SLC25A26: variants seen among roughly 807,000 people sequenced by gnomAD.
SLC25A26 encodes mitochondrial S-adenosylmethionine carrier protein.
In SLC25A26, 36 loss-of-function variants were observed where a neutral mutation model predicts 37.8. The observed-to-expected ratio is 0.95, with a 90% CI of 0.73 to 1.26. The LOEUF is 1.26. Ranked by LOEUF, SLC25A26 falls within the 50% of genes most tolerant of loss-of-function variation. The pLI, the probability that SLC25A26 is intolerant of heterozygous loss-of-function variation, is 0.00. For missense variants in SLC25A26, 390 were observed against 331.1 expected (o/e 1.18, Z -1.38); for synonymous variants, 129 against 122.5 (o/e 1.05, Z -0.35).
At chr3:66,355,949 G>A (rs1007849880) in intron 6 of SLC25A26, 1 of 445,668 alleles carries the variant, frequency 2.2e-6, no homozygotes, top group African/African-American at 2.0e-5. Context: ...TTACTAATTT[G>A]GAATTGAGTA....
chr3:66,178,161 T>C (rs2070625557), intron 1 of SLC25A26, among the ~76,000 whole-genome samples: 1 of 152,206 alleles, frequency 6.6e-6, no homozygotes, highest in South Asian at 2.1e-4. Context: ...AGAGGCCTGC[T>C]ACTAGCTGTT....
At chr3:66,333,430 C>T (rs2076022897) in intron 5 of SLC25A26, among the ~76,000 whole-genome samples, 3 of 152,150 alleles carry the variant, frequency 2.0e-5, no homozygotes, top group Non-Finnish European at 4.4e-5. Flanking sequence ...ATTTAATCTA[C>T]TATATGGTTT....
rs570910917 is a variant in SLC25A26, at chr3:66,295,630, T to A, written c.453+32251T>A. Among the ~76,000 whole-genome samples the A allele has an allele frequency of 2.2e-4, 33 of 151,962 alleles. No homozygotes were observed. In the East Asian group the frequency reaches 6.1e-3, roughly 28 times the overall value. ...GTTAGCTAGAATGCTCTTGATCTCC[T>A]GACTTCGTGATCCGCCCACCTCGGC... On this transcript the variant is annotated intron_variant, in intron 5 of 9. Transcript: ENST00000354883.
intron 1 of SLC25A26, among the ~76,000 whole-genome samples, chr3:66,154,903 A>C (rs2070260587): frequency 6.6e-6 from 1 of 152,254 alleles, no homozygotes; most frequent in South Asian, 2.1e-4. Context: ...AAAATCAGAT[A>C]AAGTATGTAT....
intron 2 of SLC25A26, among the ~76,000 whole-genome samples, chr3:66,237,233 CTGT>C (rs1222858392): frequency 6.6e-6 from 1 of 152,160 alleles, no homozygotes; most frequent in African/African-American, 2.4e-5. Context: ...AAAATTGTTT[CTGT>C]TGTTAAAATT....
intron 5 of SLC25A26, chr3:66,304,369 C>T: frequency 2.2e-6 from 1 of 451,518 alleles, no homozygotes; most frequent in Non-Finnish European, 4.4e-6. Context: ...TGTCTCATAT[C>T]TAAGCTAATA....
intron 3 of SLC25A26, among the ~76,000 whole-genome samples, chr3:66,258,936 T>C (rs926639467): frequency 2.6e-5 from 4 of 151,790 alleles, no homozygotes; most frequent in Non-Finnish European, 5.9e-5. Flanking sequence ...TTACAGAACA[T>C]CTCAGTTGTA....
chr3:66,266,214 G>A (rs903514645), intron 5 of SLC25A26, among the ~76,000 whole-genome samples: 2 of 152,162 alleles, frequency 1.3e-5, no homozygotes, highest in Non-Finnish European at 2.9e-5. Context: ...CAGATTCTGT[G>A]ATAGAATGAG....
At chr3:66,158,610 C>T (rs2070315962) in intron 1 of SLC25A26, among the ~76,000 whole-genome samples, 1 of 152,192 alleles carries the variant, frequency 6.6e-6, no homozygotes, top group South Asian at 2.1e-4. Context: ...CTCGCCAACA[C>T]TTGCTATTGT....
chr3:66,322,404 G>T (rs111367981), intron 5 of SLC25A26, among the ~76,000 whole-genome samples: 1 of 152,278 alleles, frequency 6.6e-6, no homozygotes, highest in Admixed American at 6.5e-5. Context: ...ATAAAAATTC[G>T]ATCAGTGGTT....
chr3:66,372,805 C>T (rs780727665), intron 9 of SLC25A26, among the ~76,000 whole-genome samples: 1 of 152,204 alleles, frequency 6.6e-6, no homozygotes, highest in Non-Finnish European at 1.5e-5. Flanking sequence ...GGTATCTCTG[C>T]CAGCTTCCTC....
chr3:66,335,279 T>A (rs2076068664), intron 5 of SLC25A26, among the ~76,000 whole-genome samples: 1 of 152,204 alleles, frequency 6.6e-6, no homozygotes, highest in Non-Finnish European at 1.5e-5. Flanking sequence ...TTATCATAAA[T>A]AAGAATTAAT....
At chr3:66,317,357 C>T (rs533084666) in intron 5 of SLC25A26, among the ~76,000 whole-genome samples, 19 of 152,152 alleles carry the variant, frequency 1.2e-4, no homozygotes, top group African/African-American at 3.1e-4. Context: ...CAGTCAGGCC[C>T]CTCTTCTGTA....
intron 3 of SLC25A26, among the ~76,000 whole-genome samples, chr3:66,250,747 C>G (rs1424651331): frequency 6.6e-6 from 1 of 152,014 alleles, no homozygotes; most frequent in Non-Finnish European, 1.5e-5. Flanking sequence ...TTGGTTTTCT[C>G]CGGACTGGGG....
chr3:66,279,522 G>A (rs1286679747), intron 5 of SLC25A26, among the ~76,000 whole-genome samples: 1 of 152,060 alleles, frequency 6.6e-6, no homozygotes, highest in African/African-American at 2.4e-5. Flanking sequence ...TGATTTTTTT[G>A]GGGAGGTGGG....
intron 6 of SLC25A26, among the ~76,000 whole-genome samples, chr3:66,358,269 G>C (rs746130497): frequency 6.6e-6 from 1 of 152,038 alleles, no homozygotes; most frequent in Non-Finnish European, 1.5e-5. Context: ...GATTATTGTT[G>C]TTTTATGAGT....
At chr3:66,289,912 A>G (rs988798332) in intron 5 of SLC25A26, among the ~76,000 whole-genome samples, 3 of 152,068 alleles carry the variant, frequency 2.0e-5, no homozygotes, top group Non-Finnish European at 4.4e-5. Flanking sequence ...TTTGAGCAGT[A>G]TGGCCATTTT....
chr3:66,203,498 C>T (rs1484772245), intron 1 of SLC25A26, among the ~76,000 whole-genome samples: 1 of 151,876 alleles, frequency 6.6e-6, no homozygotes, highest in African/African-American at 2.4e-5. Context: ...TTTAACTTAC[C>T]CTTATTAAAA....
At chr3:66,278,077 A>G (rs72901300) in intron 5 of SLC25A26, among the ~76,000 whole-genome samples, 2,307 of 152,244 alleles carry the variant, frequency 0.015, 67 homozygotes, top group African/African-American at 0.052. Context: ...TAATTTAGCT[A>G]TTAGCATTGC....
Sources: gnomAD v4.1 joint callset for allele counts (sites outside exome capture counted in the v4.1 genomes callset) on GRCh38, gnomAD v4.1.1 for gene constraint, MANE v1.5 for transcripts, NCBI Gene and HGNC (gene_info 2026-07-23, HGNC 2026-07-21) for gene names.